Variants in MARK3 observed in about 807,000 individuals in gnomAD.
MARK3 encodes the protein microtubule affinity regulating kinase 3.
In MARK3, 46 loss-of-function variants were observed where a neutral mutation model predicts 90.1. The ratio of observed to expected loss-of-function variants is 0.51; its 90% CI spans 0.40 to 0.65. The LOEUF (loss-of-function observed/expected upper bound fraction) is 0.65. MARK3 is among the 30% of genes least tolerant of loss of function. The pLI is 0.00. For missense variants in MARK3, 818 were observed against 947.2 expected (o/e 0.86, Z 1.79); for synonymous variants, 321 against 332.6 (o/e 0.97, Z 0.38).
intron 2 of MARK3, among the ~76,000 whole-genome samples, chr14:103,417,664 T>C (rs921953711): frequency 4.6e-5 from 7 of 152,146 alleles, no homozygotes; most frequent in African/African-American, 1.7e-4. Flanking sequence ...CTGGAATCCT[T>C]AAGCAGAGAC....
At position 103,503,002 on chromosome 14, in the gene MARK3, C is replaced by T; in HGVS notation, c.2037C>T (p.Ile679=). 3.1e-6 allele frequency: 5 copies of T among 1,614,264 alleles called. No homozygotes were observed. The South Asian group carries it at 5.5e-5, about 18-fold the overall frequency. ...ATCCCGGGGACATGATGCGGGAAAT[C>T]CGCAAAGTGTTGGACGCCAATAACT... The part of the protein sequence containing the change: ...SMDPGDMMRE[I]RKVLDANNCD... The change falls in exon 18 of 18, where the codon ATC becomes ATT. Residue 679 remains isoleucine, a synonymous_variant. Transcript: ENST00000429436.
chr14:103,437,792 G>T (rs2092752226), intron 3 of MARK3, among the ~76,000 whole-genome samples: 1 of 152,160 alleles, frequency 6.6e-6, no homozygotes, highest in African/African-American at 2.4e-5. Context: ...GGAGTTTATT[G>T]TGTGCCAGGT....
chr14:103,432,747 T>TTA (rs1215660930), intron 3 of MARK3, among the ~76,000 whole-genome samples: 15 of 152,074 alleles, frequency 9.9e-5, no homozygotes, highest in Non-Finnish European at 2.9e-5. Flanking sequence ...TTCCAGCTAC[T>TTA]TAGGAGGCTA....
At chr14:103,463,886 C>G (rs143020349) in intron 7 of MARK3, among the ~76,000 whole-genome samples, 67 of 152,276 alleles carry the variant, frequency 4.4e-4, no homozygotes, top group Non-Finnish European at 7.9e-4. Flanking sequence ...TGACCATCTC[C>G]CCAGCCCCCT....
intron 3 of MARK3, among the ~76,000 whole-genome samples, chr14:103,445,086 T>C (rs2092960651): frequency 1.3e-5 from 2 of 152,118 alleles, no homozygotes; most frequent in African/African-American, 4.8e-5. Context: ...TTTTTTTTTT[T>C]AGTTAAATTT....
intron 2 of MARK3, among the ~76,000 whole-genome samples, chr14:103,421,967 C>T (rs1004103684): frequency 6.6e-6 from 1 of 152,152 alleles, no homozygotes; most frequent in Non-Finnish European, 1.5e-5. Context: ...AAAGAGTCCC[C>T]TAGACTCACT....
intron 6 of MARK3, among the ~76,000 whole-genome samples, chr14:103,461,099 C>G (rs978813426): frequency 1.3e-5 from 2 of 152,122 alleles, no homozygotes; most frequent in Admixed American, 6.5e-5. Flanking sequence ...TTTATGTCCA[C>G]GGGTGGGTCC....
At chr14:103,466,683 T>A (rs950855082) in intron 10 of MARK3, among the ~76,000 whole-genome samples, 2 of 152,146 alleles carry the variant, frequency 1.3e-5, no homozygotes, top group Non-Finnish European at 2.9e-5. Context: ...ATCTTTTAGG[T>A]CAAATGAAAA....
chr14:103,456,571 A>C (rs2093283036), intron 5 of MARK3, among the ~76,000 whole-genome samples: 1 of 152,082 alleles, frequency 6.6e-6, no homozygotes, highest in South Asian at 2.1e-4. Context: ...TGTCTCTCCT[A>C]CTTTTTCTCC....
At chr14:103,478,430 C>T (rs1216356746) in intron 13 of MARK3, among the ~76,000 whole-genome samples, 1 of 146,796 alleles carries the variant, frequency 6.8e-6, no homozygotes, top group Non-Finnish European at 1.5e-5. Context: ...TTTGCCTGTT[C>T]TGAATATTTT....
chr14:103,489,274 A>G (rs1157402901), intron 14 of MARK3: 1 of 152,282 alleles, frequency 6.6e-6, no homozygotes, highest in African/African-American at 2.4e-5. Flanking sequence ...AATGGACCAC[A>G]CATCATCAGG....
rs150527756 is a variant in MARK3 at position 103,407,883 on chromosome 14, G to A, written c.243+2616G>A. On this transcript the variant is annotated intron_variant, in intron 2 of 17. Transcript: ENST00000429436. ...CTTTGATGTAGTTTCTTGCATTTAGGTCTTTGCGCCTGCTTTTCCCTGTAC... is the reference window on the plus strand; with the variant it reads ...CTTTGATGTAGTTTCTTGCATTTAGATCTTTGCGCCTGCTTTTCCCTGTAC... Among the ~76,000 whole-genome samples, 319 of 152,102 alleles carry A rather than the reference G, an allele frequency of 2.1e-3. 1 individual carries two copies. Among genetic ancestry groups the A allele is most frequent in the Middle Eastern group, 6.8e-3 (2 of 294 alleles).
chr14:103,402,723 A>C (rs1269776508), intron 1 of MARK3, among the ~76,000 whole-genome samples: 1 of 152,176 alleles, frequency 6.6e-6, no homozygotes, highest in Admixed American at 6.6e-5. Flanking sequence ...GGGACGCAAG[A>C]ATTGCAATTT....
intron 2 of MARK3, among the ~76,000 whole-genome samples, chr14:103,410,575 C>T (rs955481162): frequency 3.3e-5 from 5 of 152,130 alleles, no homozygotes; most frequent in African/African-American, 1.2e-4. Flanking sequence ...GTAGCTCATG[C>T]CTGTATTCAT....
At chr14:103,417,966 G>A (rs1359626045) in intron 2 of MARK3, among the ~76,000 whole-genome samples, 1 of 152,088 alleles carries the variant, frequency 6.6e-6, no homozygotes, top group Non-Finnish European at 1.5e-5. Flanking sequence ...CTACTCAGGA[G>A]GCTGAGGCAG....
intron 2 of MARK3, among the ~76,000 whole-genome samples, chr14:103,424,114 G>A (rs536253469): frequency 6.6e-6 from 1 of 152,188 alleles, no homozygotes; most frequent in East Asian, 1.9e-4. Context: ...GGAGGCCAAG[G>A]CACGAGAATT....
intron 14 of MARK3, among the ~76,000 whole-genome samples, chr14:103,484,547 T>C (rs1166583968): frequency 2.6e-5 from 4 of 152,242 alleles, no homozygotes; most frequent in African/African-American, 9.6e-5. Flanking sequence ...CTTATTATTT[T>C]ATCCACTTTA....
At position 103,460,073 on chromosome 14, in the gene MARK3, C is replaced by CTTTTTTTTTTTTTTTTTTTTTTTTT. The variant is rs571611660; in HGVS notation, c.484-2325_484-2301dup. Among the ~76,000 whole-genome samples, 13 of 41,720 alleles carry CTTTTTTTTTTTTTTTTTTTTTTTTT rather than the reference C, an allele frequency of 3.1e-4. 2 individuals are homozygous for CTTTTTTTTTTTTTTTTTTTTTTTTT. Among genetic ancestry groups the CTTTTTTTTTTTTTTTTTTTTTTTTT allele is most frequent in the South Asian group, 4.0e-3 (2 of 504 alleles). 27.4% of individuals were successfully genotyped at this position (41,720 alleles called of 152,430 possible). A position where few individuals can be genotyped will look rare whatever the true frequency, so the allele number is the denominator to read the frequency against. On this transcript the variant is annotated intron_variant, in intron 6 of 17. Coordinates refer to ENST00000429436, the MANE Select transcript of MARK3 (RefSeq NM_001128918.3). ...AAAAAGAATAGATTTCCAGCTCCAT[C>CTTTTTTTTTTTTTTTTTTTTTTTTT]TTTTTTTTTTTTTTTTTTTTTTTTT...
Position 103,503,147 on chromosome 14 carries a change from GT to G in MARK3, c.2183del (p.Val728AlafsTer11), listed in dbSNP as rs910201091. The part of the protein sequence containing the change: ...CKLPRLSLNG[V>X]RFKRISGTSI... ...GCTGCCAAGACTGTCTCTGAACGGG[GT>G]CCGGTTTAAGCGGATATCGGGGACA... is the stretch of plus-strand genomic sequence containing the variant. On this transcript the variant is annotated frameshift_variant, in exon 18 of 18. Coordinates refer to ENST00000429436, the MANE Select transcript of MARK3 (RefSeq NM_001128918.3). LOFTEE classifies it high-confidence loss of function. 1 of 1,614,078 alleles carries G rather than the reference GT, an allele frequency of 6.2e-7. No individual in the cohort carries two copies. Among genetic ancestry groups the G allele is most frequent in the African/African-American group, 1.3e-5 (1 of 74,906 alleles).
Sources: gnomAD v4.1 joint callset for allele counts (sites outside exome capture counted in the v4.1 genomes callset) on GRCh38, gnomAD v4.1.1 for gene constraint, MANE v1.5 for transcripts, NCBI Gene and HGNC (gene_info 2026-07-23, HGNC 2026-07-21) for gene names.